The following CAST variants were observed in gnomAD, a reference collection of about 807,000 sequenced individuals.
CAST encodes calpastatin.
Under a neutral mutation model 119.6 loss-of-function variants are expected in CAST, and 76 were observed. The ratio of observed to expected loss-of-function variants is 0.64; its 90% CI spans 0.53 to 0.77. The LOEUF is 0.77. Among genes scored for constraint, CAST ranks in the 30% least tolerant of loss-of-function variants. The probability of loss-of-function intolerance (pLI) is 0.00; values close to 1 mark genes in which losing one functional copy is unlikely to be tolerated. For synonymous variants in CAST, 319 were observed against 331.6 expected (o/e 0.96, Z 0.41); for missense variants, 953 against 946.5 (o/e 1.01, Z -0.09).
chr5:96,626,442 A>G (rs1747725413), intron 1 of CAST, among the ~76,000 whole-genome samples: 1 of 151,806 alleles, frequency 6.6e-6, no homozygotes, highest in South Asian at 2.1e-4. Flanking sequence ...ATGCTGCTCC[A>G]CCCTCCATCC....
chr5:96,722,448 A>C (rs1758459283), intron 3 of CAST, among the ~76,000 whole-genome samples, 191 bp from the exon 4 acceptor site: 1 of 152,134 alleles, frequency 6.6e-6, no homozygotes, highest in Non-Finnish European at 1.5e-5. Context: ...GCAGACCCAA[A>C]TTTTGAACCT....
At chr5:96,614,717 T>C (rs893741235) in intron 1 of CAST, among the ~76,000 whole-genome samples, 1 of 149,366 alleles carries the variant, frequency 6.7e-6, no homozygotes, top group Non-Finnish European at 1.5e-5. Flanking sequence ...GGGTGCCAGA[T>C]TACCCCTCTT....
chr5:96,756,785 A>G (rs1265533860), intron 22 of CAST, among the ~76,000 whole-genome samples: 2 of 152,152 alleles, frequency 1.3e-5, no homozygotes, highest in Non-Finnish European at 2.9e-5. Context: ...GGGATTTACT[A>G]TTAGTATATA....
the CAST span, among the ~76,000 whole-genome samples, chr5:96,483,810 C>G: frequency 6.6e-6 from 1 of 151,980 alleles, no homozygotes; most frequent in Non-Finnish European, 1.5e-5. Context: ...TTGTGACAAC[C>G]CTTCAAAAAT....
chr5:96,725,259 G>C (rs1432113472), intron 4 of CAST, among the ~76,000 whole-genome samples: 1 of 152,008 alleles, frequency 6.6e-6, no homozygotes, highest in East Asian at 1.9e-4. Flanking sequence ...TTTTTGCTTT[G>C]GTTTCCTTAT....
chr5:96,096,573 C>T, the CAST span, among the ~76,000 whole-genome samples: 1 of 152,204 alleles, frequency 6.6e-6, no homozygotes, highest in South Asian at 2.1e-4. Flanking sequence ...ACTACCCAAA[C>T]CTCTCTGTGT....
chr5:96,288,265 C>T, the CAST span, among the ~76,000 whole-genome samples: 38 of 152,260 alleles, frequency 2.5e-4, no homozygotes, highest in African/African-American at 8.2e-4. Flanking sequence ...TTCCTCCTCA[C>T]ATTTGGAGAG....
chr5:96,678,450 G>C (rs1186059994), intron 2 of CAST, among the ~76,000 whole-genome samples: 1 of 152,148 alleles, frequency 6.6e-6, no homozygotes, highest in Non-Finnish European at 1.5e-5. Context: ...TTCTATTAGA[G>C]ATGCCAGAAA....
At chr5:96,568,897 C>T (rs1746524551) in intron 1 of CAST, among the ~76,000 whole-genome samples, 1 of 152,004 alleles carries the variant, frequency 6.6e-6, no homozygotes, top group South Asian at 2.1e-4. Context: ...AAGACAATAG[C>T]ATGGATGAGA....
the CAST span, among the ~76,000 whole-genome samples, chr5:96,511,819 A>C: frequency 6.6e-6 from 1 of 152,248 alleles, no homozygotes; most frequent in Non-Finnish European, 1.5e-5. Flanking sequence ...CCCTAGATTT[A>C]TCTGAGTGCT....
Position 96,772,815 on chromosome 5 carries a change from A to G in CAST, c.*199A>G, listed in dbSNP as rs1158689151. Reference sequence around the variant, plus strand: ...GAAAGAAAATGAATTTGACTGGTTCACCTGTGTACTGAGTATTGATAAACT... The same window carrying G: ...GAAAGAAAATGAATTTGACTGGTTCGCCTGTGTACTGAGTATTGATAAACT... On this transcript the variant is annotated 3_prime_UTR_variant, in exon 32 of 32. Transcript: ENST00000675179. 2 of 152,850 alleles carry G rather than the reference A, an allele frequency of 1.3e-5. No homozygotes were observed. The highest frequency in any genetic ancestry group is 4.8e-5 in the African/African-American group (2 of 41,442). The allele number at this position is 152,850 out of a possible 1,614,324, so 9.5% of individuals were successfully genotyped here. A position where few individuals can be genotyped will look rare whatever the true frequency, so the allele number is the denominator to read the frequency against.
chr5:96,225,493 AAAAAT>A, the CAST span, among the ~76,000 whole-genome samples: 1 of 152,222 alleles, frequency 6.6e-6, no homozygotes, highest in Admixed American at 6.5e-5. Flanking sequence ...GTGGAAGTCT[AAAAAT>A]AAAGACTGGA....
chr5:96,064,128 A>G, the CAST span, among the ~76,000 whole-genome samples: 1 of 152,168 alleles, frequency 6.6e-6, no homozygotes, highest in Non-Finnish European at 1.5e-5. Flanking sequence ...TAAGTGACCT[A>G]GATTTGTGTG....
At chr5:96,287,519 T>C in the CAST span, among the ~76,000 whole-genome samples, 1 of 152,142 alleles carries the variant, frequency 6.6e-6, no homozygotes, top group Admixed American at 6.6e-5. Context: ...AGAAAATGGT[T>C]GGGAAAAACC....
chr5:96,210,654 C>T, the CAST span, among the ~76,000 whole-genome samples: 2 of 151,938 alleles, frequency 1.3e-5, no homozygotes, highest in African/African-American at 4.8e-5. Flanking sequence ...AAATTTAAAG[C>T]TGTTTTTCTT....
At chr5:96,109,561 T>A in the CAST span, among the ~76,000 whole-genome samples, 1 of 152,174 alleles carries the variant, frequency 6.6e-6, no homozygotes, top group African/African-American at 2.4e-5. Flanking sequence ...TGGCAATCTT[T>A]TGGATTCAAA....
the CAST span, among the ~76,000 whole-genome samples, chr5:96,226,791 C>T: frequency 6.6e-6 from 1 of 152,172 alleles, no homozygotes; most frequent in Non-Finnish European, 1.5e-5. Context: ...ACCCAACAGC[C>T]CTCTTGGCCG....
intron 2 of CAST, among the ~76,000 whole-genome samples, chr5:96,680,179 A>C (rs1445617929): frequency 6.6e-6 from 1 of 151,140 alleles, no homozygotes; most frequent in Admixed American, 6.6e-5. Flanking sequence ...TGAAACCCCA[A>C]CTCTACTAAA....
chr5:96,265,271 G>A, the CAST span, among the ~76,000 whole-genome samples: 4 of 152,016 alleles, frequency 2.6e-5, no homozygotes, highest in African/African-American at 9.7e-5. Flanking sequence ...GTGTGCGTGT[G>A]TGTGTACATA....
Sources: gnomAD v4.1 joint callset for allele counts (sites outside exome capture counted in the v4.1 genomes callset) on GRCh38, gnomAD v4.1.1 for gene constraint, MANE v1.5 for transcripts, NCBI Gene and HGNC (gene_info 2026-07-23, HGNC 2026-07-21) for gene names.